The following TTLL11 variants were observed in gnomAD, a reference collection of about 807,000 sequenced individuals.
TTLL11 encodes tubulin polyglutamylase TTLL11.
TTLL11 carries 42 observed loss-of-function variants against 51.7 expected under a neutral mutation model. That is an observed-to-expected ratio of 0.81 (90% CI 0.64 to 1.05). The LOEUF (loss-of-function observed/expected upper bound fraction) is 1.05. Ranked by LOEUF, TTLL11 falls within the 50% of genes least tolerant of loss-of-function variation. TTLL11 has a pLI of 0.00. For synonymous variants in TTLL11, 381 were observed against 383.5 expected (o/e 0.99, Z 0.08); for missense variants, 799 against 940.4 (o/e 0.85, Z 1.97).
Position 121,836,021 on chromosome 9 carries a change from T to C in TTLL11, c.1841-13142A>G, listed in dbSNP as rs573393667. 9.2e-5 allele frequency among the ~76,000 whole-genome samples: 14 copies of C among 152,332 alleles called. No individual in the cohort carries two copies. In the East Asian group the frequency reaches 2.7e-3, roughly 29 times the overall value. On this transcript the variant is annotated intron_variant, in intron 8 of 8. Coordinates refer to ENST00000321582, the MANE Select transcript of TTLL11 (RefSeq NM_001139442.2). ...ACAACACCCAGAATGACAAGAGGGA[T>C]TACTAAGAGTGGTCTGTATACAACA...
At chr9:121,897,618 G>GCA (rs745877337) in intron 6 of TTLL11, among the ~76,000 whole-genome samples, 5,140 of 136,980 alleles carry the variant, frequency 0.038, 182 homozygotes, top group Non-Finnish European at 0.049. Context: ...TTCCCTCCAG[G>GCA]CACACACACA....
intron 1 of TTLL11, among the ~76,000 whole-genome samples, chr9:122,070,184 C>T (rs1394570847): frequency 6.6e-6 from 1 of 152,104 alleles, no homozygotes; most frequent in Non-Finnish European, 1.5e-5. Flanking sequence ...TTCTGCAGGG[C>T]AGGTGAGGCT....
intron 1 of TTLL11, among the ~76,000 whole-genome samples, chr9:122,076,788 T>A (rs1845873179): frequency 1.3e-5 from 2 of 148,366 alleles, no homozygotes; most frequent in African/African-American, 4.9e-5. Context: ...TGAGAGACAG[T>A]ATTTCCATAA....
At chr9:121,922,963 C>T (rs1840595817) in intron 6 of TTLL11, among the ~76,000 whole-genome samples, 1 of 152,220 alleles carries the variant, frequency 6.6e-6, no homozygotes. Context: ...AACCACCTTA[C>T]ACATGCTAAG....
At chr9:121,943,328 T>C (rs1263770208) in intron 6 of TTLL11, among the ~76,000 whole-genome samples, 1 of 152,188 alleles carries the variant, frequency 6.6e-6, no homozygotes, top group Non-Finnish European at 1.5e-5. Context: ...CTGGCTCTTC[T>C]TAGGCGTACG....
At chr9:121,936,015 C>T (rs931354084) in intron 6 of TTLL11, among the ~76,000 whole-genome samples, 2 of 152,110 alleles carry the variant, frequency 1.3e-5, no homozygotes, top group Admixed American at 6.5e-5. Context: ...TAGTGACTGG[C>T]TGAAACTGAG....
intron 8 of TTLL11, among the ~76,000 whole-genome samples, chr9:121,847,152 G>A (rs529255557): frequency 1.9e-4 from 29 of 149,504 alleles, no homozygotes; most frequent in South Asian, 1.3e-3. Context: ...GGAGCTTGCC[G>A]TGAGGCGAGA....
chr9:121,958,635 C>T (rs1842103025), intron 6 of TTLL11, among the ~76,000 whole-genome samples: 1 of 152,174 alleles, frequency 6.6e-6, no homozygotes, highest in Admixed American at 6.5e-5. Flanking sequence ...GTTTCCATGA[C>T]CAGCAACCTA....
chr9:121,908,305 C>T (rs1391328666), intron 6 of TTLL11, among the ~76,000 whole-genome samples: 1 of 152,196 alleles, frequency 6.6e-6, no homozygotes, highest in Non-Finnish European at 1.5e-5. Flanking sequence ...TACATGACCC[C>T]AGTTTCCTCC....
At chr9:122,048,492 C>T (rs1236125507) in intron 1 of TTLL11, among the ~76,000 whole-genome samples, 1 of 152,124 alleles carries the variant, frequency 6.6e-6, no homozygotes, top group Admixed American at 6.5e-5. Flanking sequence ...AAACACAGCT[C>T]TGACCATATT....
Position 121,941,035 on chromosome 9 carries a change from G to A in TTLL11, c.1481+32974C>T, listed in dbSNP as rs115230709. Among the ~76,000 whole-genome samples the A allele has an allele frequency of 8.5e-3, 1,289 of 152,198 alleles. 12 individuals are homozygous for A. The highest frequency in any genetic ancestry group is 0.03 in the African/African-American group (1,240 of 41,494). On this transcript the variant is annotated intron_variant, in intron 6 of 8. Transcript: ENST00000321582. ...AAACTAACACGTTTAAGATTCTACCGTTCACATCCATTTTTCTCCATGAAA... is the reference window on the plus strand; with the variant it reads ...AAACTAACACGTTTAAGATTCTACCATTCACATCCATTTTTCTCCATGAAA...
intron 6 of TTLL11, among the ~76,000 whole-genome samples, chr9:121,959,887 A>G (rs1842160661): frequency 6.6e-6 from 1 of 151,976 alleles, no homozygotes; most frequent in Non-Finnish European, 1.5e-5. Context: ...TGTATTATAC[A>G]TTGGACTTCT....
At chr9:121,878,341 T>C (rs1838649271) in intron 6 of TTLL11, among the ~76,000 whole-genome samples, 1 of 152,242 alleles carries the variant, frequency 6.6e-6, no homozygotes, top group East Asian at 1.9e-4. Flanking sequence ...AGTGCTCATC[T>C]GGCTGCTTCG....
chr9:121,872,882 C>T (rs370989853), intron 6 of TTLL11, among the ~76,000 whole-genome samples: 63 of 152,320 alleles, frequency 4.1e-4, no homozygotes, highest in Middle Eastern at 3.4e-3. Flanking sequence ...CAAAGGGCTG[C>T]AATTTTCCTT....
At chr9:121,974,793 T>G in intron 5 of TTLL11, 91 bp downstream of exon 5, 1 of 1,014,116 alleles carries the variant, frequency 9.9e-7, no homozygotes. Context: ...AATCTGAGAA[T>G]GTCCAATCTT....
At chr9:121,841,602 C>G (rs1433174955) in intron 8 of TTLL11, among the ~76,000 whole-genome samples, 7 of 152,146 alleles carry the variant, frequency 4.6e-5, no homozygotes, top group Non-Finnish European at 1.0e-4. Flanking sequence ...CTTGGGGCCT[C>G]CCGGGCTGAG....
In TTLL11 at chr9:122,060,438, T is replaced by G. The variant is rs537544716; in HGVS notation, c.463-21070A>C. 3.3e-5 allele frequency among the ~76,000 whole-genome samples: 5 copies of G among 152,308 alleles called. No homozygotes were observed. In the South Asian group the frequency reaches 1.0e-3, roughly 32 times the overall value. On this transcript the variant is annotated intron_variant, in intron 1 of 8. Coordinates refer to ENST00000321582, the MANE Select transcript of TTLL11 (RefSeq NM_001139442.2). ...AGAGGAATATAAGGGTTAGAGAAGTTACATAGCCTGCTCCCTGCCATGCTG... is the reference window on the plus strand; with the variant it reads ...AGAGGAATATAAGGGTTAGAGAAGTGACATAGCCTGCTCCCTGCCATGCTG...
At chr9:121,829,941 T>A (rs1228904466) in intron 8 of TTLL11, among the ~76,000 whole-genome samples, 1 of 152,194 alleles carries the variant, frequency 6.6e-6, no homozygotes, top group East Asian at 1.9e-4. Flanking sequence ...TTGTTTCTTA[T>A]CATATACTAG....
chr9:121,991,999 T>C (rs1416601969), intron 3 of TTLL11, among the ~76,000 whole-genome samples: 1 of 152,150 alleles, frequency 6.6e-6, no homozygotes, highest in Non-Finnish European at 1.5e-5. Flanking sequence ...ACTGAAGATC[T>C]CTTGTTCCTC....
Sources: gnomAD v4.1 joint callset for allele counts (sites outside exome capture counted in the v4.1 genomes callset) on GRCh38, gnomAD v4.1.1 for gene constraint, MANE v1.5 for transcripts, NCBI Gene and HGNC (gene_info 2026-07-23, HGNC 2026-07-21) for gene names.